Variants in LRRC61 observed in about 807,000 individuals in gnomAD.
The protein encoded by LRRC61 is leucine rich repeat containing 61, also known as leucine-rich repeat-containing protein 61.
Under a neutral mutation model 15.1 loss-of-function variants are expected in LRRC61, and 9 were observed. That is an observed-to-expected ratio of 0.60 (90% CI 0.36 to 1.04). The LOEUF (loss-of-function observed/expected upper bound fraction) is 1.04, where lower values mean the gene tolerates loss of function less well. LRRC61 is among the 50% of genes least tolerant of loss of function. The pLI is 0.01. For missense variants in LRRC61, 344 were observed against 335.6 expected (o/e 1.03, Z -0.20); for synonymous variants, 173 against 158.6 (o/e 1.09, Z -0.68).
chr7:150,329,413 C>T (rs987551532), intron 2 of LRRC61, among the ~76,000 whole-genome samples: 1 of 152,176 alleles, frequency 6.6e-6, no homozygotes, highest in Admixed American at 6.5e-5. Context: ...TCCAAGGGAG[C>T]GAATCAGTCC....
At chr7:150,321,655 G>A (rs563633637), upstream of LRRC61, among the ~76,000 whole-genome samples, 2 of 152,146 alleles carry the variant, frequency 1.3e-5, no homozygotes, top group African/African-American at 2.4e-5. Context: ...CAGGAGAATC[G>A]CTTGAACTCA....
chr7:150,337,695 C>T lies in LRRC61; in HGVS notation c.*54C>T. On this transcript the variant is annotated 3_prime_UTR_variant, in exon 3 of 3. Coordinates refer to ENST00000359623, the MANE Select transcript of LRRC61 (RefSeq NM_001142928.2). ...CAGGTGGCCTCGCTGCCCCCAGTTCCCCTCTCTGCCCCCACACTCGTCTTA... is the reference window on the plus strand; with the variant it reads ...CAGGTGGCCTCGCTGCCCCCAGTTCTCCTCTCTGCCCCCACACTCGTCTTA... The T allele has an allele frequency of 1.3e-6, 2 of 1,488,854 alleles. No individual in the cohort carries two copies. The highest frequency in any genetic ancestry group is 1.4e-5 in the South Asian group (1 of 73,130). 92.2% of individuals were successfully genotyped at this position (1,488,854 alleles called of 1,614,324 possible).
upstream of LRRC61, among the ~76,000 whole-genome samples, chr7:150,319,205 C>CTT (rs199647156): frequency 3.6e-5 from 5 of 140,740 alleles, no homozygotes; most frequent in Non-Finnish European, 4.6e-5. Context: ...ATTGCTTCTT[C>CTT]TTTTTTTTTT....
rs1563225900 is a variant in LRRC61 at position 150,330,767 on chromosome 7, T to A, written c.-145+4757T>A. ...CTGAATACTCTTTGAACTCCCCAAG[T>A]CCCCTGCAAAGCCCCAGGGGTCTGT... On this transcript the variant is annotated intron_variant, in intron 2 of 2. Coordinates refer to ENST00000359623, the MANE Select transcript of LRRC61 (RefSeq NM_001142928.2). This position sits in a 1 kb window ranked among gnomAD's most constrained non-coding sequence, Gnocchi z 4.6. 9 of 1,613,494 alleles carry A rather than the reference T, an allele frequency of 5.6e-6. No individual in the cohort carries two copies. The highest frequency in any genetic ancestry group is 7.6e-6 in the Non-Finnish European group (9 of 1,179,754).
At chr7:150,331,152 A>G in intron 2 of LRRC61, 1 of 1,552,698 alleles carries the variant, frequency 6.4e-7, no homozygotes, top group African/African-American at 1.4e-5. Flanking sequence ...CCACCCTTGT[A>G]GAGCAAAACT....
At chr7:150,314,906 C>A in the LRRC61 span, among the ~76,000 whole-genome samples, 2 of 149,410 alleles carry the variant, frequency 1.3e-5, no homozygotes, top group Non-Finnish European at 1.5e-5. Flanking sequence ...AAACTGTGAT[C>A]ACACCACTGC....
At chr7:150,334,958 G>A (rs1322079569) in intron 2 of LRRC61, among the ~76,000 whole-genome samples, 1 of 151,546 alleles carries the variant, frequency 6.6e-6, no homozygotes, top group African/African-American at 2.4e-5. Context: ...GGAGGCGGAG[G>A]TTGCGGTGAG....
chr7:150,309,690 G>T, the LRRC61 span, among the ~76,000 whole-genome samples: 2 of 152,178 alleles, frequency 1.3e-5, no homozygotes, highest in African/African-American at 4.8e-5. Context: ...CCTAAGCCGT[G>T]TCCCACCTGT....
At chr7:150,331,961 A>C (rs1400808741) in intron 2 of LRRC61, 2 of 167,124 alleles carry the variant, frequency 1.2e-5, no homozygotes, top group Non-Finnish European at 2.9e-5. Flanking sequence ...AGGAGAGCTG[A>C]GACGCCAGTC....
At position 150,337,707 on chromosome 7, in the gene LRRC61, C is replaced by T. The variant is rs1027348178; in HGVS notation, c.*66C>T. The T allele has an allele frequency of 2.3e-5, 33 of 1,464,720 alleles. No individual in the cohort carries two copies. Among genetic ancestry groups the T allele is most frequent in the Non-Finnish European group, 3.0e-5 (33 of 1,096,994 alleles). 90.7% of individuals were successfully genotyped at this position (1,464,720 alleles called of 1,614,324 possible). On this transcript the variant is annotated 3_prime_UTR_variant, in exon 3 of 3. Transcript: ENST00000359623. ...CTGCCCCCAGTTCCCCTCTCTGCCC[C>T]CACACTCGTCTTAGTTGCTTCACAC... is the stretch of plus-strand genomic sequence containing the variant.
At chr7:150,316,619 G>A in the LRRC61 span, among the ~76,000 whole-genome samples, 241 of 151,880 alleles carry the variant, frequency 1.6e-3, no homozygotes, top group African/African-American at 5.6e-3. Flanking sequence ...CTGAGCAGCT[G>A]GGACTACAGA....
rs145374456 is a variant in LRRC61, at chr7:150,325,900, C to G, written c.-255C>G. The G allele has an allele frequency of 6.5e-6, 1 of 152,688 alleles. No homozygotes were observed. Among genetic ancestry groups the G allele is most frequent in the Non-Finnish European group, 1.5e-5 (1 of 68,056 alleles). The allele number at this position is 152,688 out of a possible 1,614,324, so 9.5% of individuals were successfully genotyped here. On this transcript the variant is annotated 5_prime_UTR_variant, in exon 2 of 3. Coordinates refer to ENST00000359623, the MANE Select transcript of LRRC61 (RefSeq NM_001142928.2). Reference sequence around the variant, plus strand: ...CCAGCTGCACTGTCATCCTAAAGTACTTCTGTGGAAGAGAACATGGTGGTG... The same window carrying G: ...CCAGCTGCACTGTCATCCTAAAGTAGTTCTGTGGAAGAGAACATGGTGGTG...
Position 150,333,794 on chromosome 7 carries a change from G to T in LRRC61, c.-144-2924G>T. 1.6e-6 allele frequency: 1 copy of T among 607,630 alleles called. No individual in the cohort carries two copies. The allele number at this position is 607,630 out of a possible 1,614,324, so 37.6% of individuals were successfully genotyped here. A position where few individuals can be genotyped will look rare whatever the true frequency, so the allele number is the denominator to read the frequency against. On this transcript the variant is annotated intron_variant, in intron 2 of 2. Transcript: ENST00000359623. The surrounding 1 kb of genome is among the most constrained non-coding windows in gnomAD (Gnocchi z 4.3). ...GGGAAGCCATCCTCCTTGTGTCTGC[G>T]GGCAGCCTGATGGTTAGTTGGGTCT...
intron 2 of LRRC61, among the ~76,000 whole-genome samples, chr7:150,334,685 T>C (rs1798230519): frequency 6.6e-6 from 1 of 152,212 alleles, no homozygotes; most frequent in African/African-American, 2.4e-5. Flanking sequence ...GATGTCTTCT[T>C]GTCTCCAACC....
rs974937622 is a variant in LRRC61, at chr7:150,334,416, T to C, written c.-144-2302T>C. ...AGCCTCGTAGGTCAGCCTCCACCTC[T>C]GCTGCTCGTGCATAGGACATCTTCC... On this transcript the variant is annotated intron_variant, in intron 2 of 2. Coordinates refer to ENST00000359623, the MANE Select transcript of LRRC61 (RefSeq NM_001142928.2). Among the ~76,000 whole-genome samples the C allele has an allele frequency of 2.1e-5, 3 of 141,070 alleles. No homozygotes were observed. The East Asian group carries it at 6.8e-4, about 32-fold the overall frequency. 92.5% of individuals were successfully genotyped at this position (141,070 alleles called of 152,430 possible). A position where few individuals can be genotyped will look rare whatever the true frequency, so the allele number is the denominator to read the frequency against.
At chr7:150,313,037 C>T in the LRRC61 span, among the ~76,000 whole-genome samples, 4 of 152,212 alleles carry the variant, frequency 2.6e-5, no homozygotes, top group Admixed American at 1.3e-4. Flanking sequence ...TTGTGACATT[C>T]TTCTTTTGGA....
In LRRC61 at chr7:150,330,702, A is replaced by G. The variant is rs1383498963; in HGVS notation, c.-145+4692A>G. ...GGGGCCGACCGACATTGACCACTGG[A>G]AGCAAGTCCTCGTGTACAAGGTGAA... On this transcript the variant is annotated intron_variant, in intron 2 of 2. Coordinates refer to ENST00000359623, the MANE Select transcript of LRRC61 (RefSeq NM_001142928.2). This position sits in a 1 kb window ranked among gnomAD's most constrained non-coding sequence, Gnocchi z 4.6. 2.0e-6 allele frequency: 3 copies of G among 1,532,400 alleles called. No individual in the cohort carries two copies. Among genetic ancestry groups the G allele is most frequent in the Non-Finnish European group, 2.7e-6 (3 of 1,105,454 alleles). The allele number at this position is 1,532,400 out of a possible 1,614,324, so 94.9% of individuals were successfully genotyped here. A position where few individuals can be genotyped will look rare whatever the true frequency, so the allele number is the denominator to read the frequency against.
In LRRC61 at chr7:150,336,716, A is replaced by G. The variant is rs1452747852; in HGVS notation, c.-144-2A>G. ...GCCTGCTGACTGACTGTCTCTCCTC[A>G]GGGACTGGCTGGCTTCGAGCAGGGC... On this transcript the variant is annotated splice_acceptor_variant, in intron 2 of 2. Transcript: ENST00000359623. LOFTEE classifies it low-confidence loss of function (5UTR_SPLICE). The G allele has an allele frequency of 2.2e-5, 24 of 1,068,094 alleles. No homozygotes were observed. Among genetic ancestry groups the G allele is most frequent in the South Asian group, 3.1e-5 (2 of 64,682 alleles). The allele number at this position is 1,068,094 out of a possible 1,614,324, so 66.2% of individuals were successfully genotyped here.
intron 2 of LRRC61, among the ~76,000 whole-genome samples, chr7:150,326,512 G>T (rs544977872): frequency 6.6e-6 from 1 of 151,752 alleles, no homozygotes. Context: ...GTGAAATCCC[G>T]TCTCTACAGA....
Sources: allele counts gnomAD v4.1 joint callset (sites outside exome capture counted in the v4.1 genomes callset), GRCh38; gene constraint gnomAD v4.1.1; non-coding constraint Gnocchi (gnomAD v3.1); transcripts MANE v1.5; gene names NCBI Gene and HGNC (gene_info 2026-07-23, HGNC 2026-07-21).